The following COMMD10 variants were observed in gnomAD, a reference collection of about 807,000 sequenced individuals.
COMMD10 encodes COMM domain-containing protein 10.
COMMD10 carries 33 observed loss-of-function variants against 28.9 expected under a neutral mutation model. The ratio of observed to expected loss-of-function variants is 1.14; its 90% CI spans 0.87 to 1.53. The LOEUF is 1.53. COMMD10 is among the 40% of genes most tolerant of loss of function. COMMD10 has a pLI of 0.00. For synonymous variants in COMMD10, 110 were observed against 81.7 expected (o/e 1.35, Z -1.87); for missense variants, 310 against 233.4 (o/e 1.33, Z -2.14).
chr5:116,274,019 A>G (rs1350660561), intron 5 of COMMD10, among the ~76,000 whole-genome samples: 1 of 151,734 alleles, frequency 6.6e-6, no homozygotes, highest in Non-Finnish European at 1.5e-5. Flanking sequence ...TAAGTGATGT[A>G]TTTTATTTAC....
At chr5:116,130,543 G>A (rs558152194) in intron 4 of COMMD10, among the ~76,000 whole-genome samples, 1 of 152,072 alleles carries the variant, frequency 6.6e-6, no homozygotes, top group Non-Finnish European at 1.5e-5. Context: ...TCTACTTAGG[G>A]AGTGGGTAGT....
intron 4 of COMMD10, among the ~76,000 whole-genome samples, chr5:116,127,142 A>T (rs534257365): frequency 5.9e-5 from 9 of 152,342 alleles, no homozygotes; most frequent in African/African-American, 2.2e-4. Flanking sequence ...TCTCAAAAGA[A>T]GACATTTATG....
chr5:116,205,910 C>A (rs1447938303), intron 5 of COMMD10, among the ~76,000 whole-genome samples: 1 of 152,028 alleles, frequency 6.6e-6, no homozygotes, highest in Non-Finnish European at 1.5e-5. Context: ...TTTCTTATTT[C>A]CCGAAAACAC....
chr5:116,148,600 T>G (rs1462929261), intron 5 of COMMD10, among the ~76,000 whole-genome samples: 1 of 151,864 alleles, frequency 6.6e-6, no homozygotes, highest in African/African-American at 2.4e-5. Context: ...GGTGGAATTT[T>G]CTAGCCGAAA....
At chr5:116,244,405 A>G (rs543721499) in intron 5 of COMMD10, among the ~76,000 whole-genome samples, 10 of 152,046 alleles carry the variant, frequency 6.6e-5, no homozygotes, top group Admixed American at 1.3e-4. Flanking sequence ...TTAGAAATCT[A>G]TGAGGTACCA....
rs144510855 is a variant in COMMD10 at position 116,194,747 on chromosome 5, G to T, written c.510+60569G>T. On this transcript the variant is annotated intron_variant, in intron 5 of 6. Transcript: ENST00000274458. ...AGCAGAATTCTACCAGACATTCAAA[G>T]AATTGGTACCAATCCTTTTGATACT... Among the ~76,000 whole-genome samples the T allele has an allele frequency of 5.6e-3, 857 of 152,178 alleles. 9 individuals are homozygous for T. Among genetic ancestry groups the T allele is most frequent in the African/African-American group, 0.02 (816 of 41,546 alleles).
intron 5 of COMMD10, among the ~76,000 whole-genome samples, chr5:116,283,515 T>C (rs1199513616): frequency 6.6e-6 from 1 of 151,436 alleles, no homozygotes; most frequent in South Asian, 2.1e-4. Flanking sequence ...CCCAGCTAAT[T>C]TTTGTATTTT....
intron 5 of COMMD10, among the ~76,000 whole-genome samples, chr5:116,239,179 T>C (rs1412597471): frequency 6.6e-6 from 1 of 152,198 alleles, no homozygotes; most frequent in Non-Finnish European, 1.5e-5. Flanking sequence ...CTAAAATAAC[T>C]CTTCACACAA....
chr5:116,145,729 A>G (rs1444140630), intron 5 of COMMD10, among the ~76,000 whole-genome samples: 1 of 151,856 alleles, frequency 6.6e-6, no homozygotes, highest in Non-Finnish European at 1.5e-5. Flanking sequence ...TGGTTCCCCC[A>G]TGCTGTTCTC....
chr5:116,188,725 C>A (rs1165579264), intron 5 of COMMD10, among the ~76,000 whole-genome samples: 2 of 151,400 alleles, frequency 1.3e-5, no homozygotes, highest in Non-Finnish European at 2.9e-5. Flanking sequence ...CACCTCCCGG[C>A]TCAAGCAATC....
chr5:116,223,129 A>G (rs1441047194), intron 5 of COMMD10, among the ~76,000 whole-genome samples: 3 of 152,082 alleles, frequency 2.0e-5, no homozygotes, highest in Non-Finnish European at 4.4e-5. Context: ...ATTTTTCACT[A>G]TATTTTGCTG....
intron 5 of COMMD10, among the ~76,000 whole-genome samples, chr5:116,262,005 G>C (rs1750460340): frequency 1.3e-5 from 2 of 151,608 alleles, no homozygotes; most frequent in South Asian, 4.1e-4. Context: ...AGAGATCTAA[G>C]TTTGTATTAT....
intron 4 of COMMD10, among the ~76,000 whole-genome samples, chr5:116,120,120 C>A (rs928999221): frequency 6.6e-5 from 10 of 151,886 alleles, no homozygotes; most frequent in Admixed American, 6.6e-4. Context: ...CATCAACCAA[C>A]AAATGAATAA....
intron 4 of COMMD10, among the ~76,000 whole-genome samples, chr5:116,113,156 C>G (rs1316663525): frequency 6.6e-6 from 1 of 152,106 alleles, no homozygotes; most frequent in Non-Finnish European, 1.5e-5. Flanking sequence ...TTTTTTCCTG[C>G]CTTGTAAGGT....
intron 4 of COMMD10, among the ~76,000 whole-genome samples, chr5:116,119,441 C>A (rs1478814499): frequency 6.6e-6 from 1 of 152,200 alleles, no homozygotes. Flanking sequence ...CAACAGACTC[C>A]TGAGGTCTTC....
chr5:116,144,269 C>A (rs1422183477), intron 5 of COMMD10, among the ~76,000 whole-genome samples: 2 of 151,730 alleles, frequency 1.3e-5, no homozygotes, highest in African/African-American at 4.8e-5. Context: ...AAGGAACAGC[C>A]AAATACCAAA....
chr5:116,199,310 T>C (rs186318144), intron 5 of COMMD10, among the ~76,000 whole-genome samples: 2 of 152,298 alleles, frequency 1.3e-5, no homozygotes, highest in South Asian at 2.1e-4. Context: ...CTGTGTTTTC[T>C]TATTGTTGAG....
At chr5:116,224,098 G>T (rs1176122526) in intron 5 of COMMD10, among the ~76,000 whole-genome samples, 1 of 152,074 alleles carries the variant, frequency 6.6e-6, no homozygotes, top group Non-Finnish European at 1.5e-5. Flanking sequence ...TGATCTTTCT[G>T]TTTCTTAATC....
At chr5:116,204,120 A>G (rs545140661) in intron 5 of COMMD10, among the ~76,000 whole-genome samples, 4 of 152,082 alleles carry the variant, frequency 2.6e-5, no homozygotes, top group Non-Finnish European at 5.9e-5. Flanking sequence ...CTTTAAACCA[A>G]CAAAGATCAA....
Sources: gnomAD v4.1 joint callset for allele counts (sites outside exome capture counted in the v4.1 genomes callset) on GRCh38, gnomAD v4.1.1 for gene constraint, MANE v1.5 for transcripts, NCBI Gene and HGNC (gene_info 2026-07-23, HGNC 2026-07-21) for gene names.